SP6: variants seen among roughly 807,000 people sequenced by gnomAD.
SP6 encodes Sp6 transcription factor.
In SP6, 10 loss-of-function variants were observed where a neutral mutation model predicts 23.4. That is an observed-to-expected ratio of 0.43 (90% CI 0.26 to 0.72). The LOEUF (loss-of-function observed/expected upper bound fraction) is 0.72, where lower values mean the gene tolerates loss of function less well. Among genes scored for constraint, SP6 ranks in the 30% least tolerant of loss-of-function variants. The pLI is 0.23. For synonymous variants in SP6, 238 were observed against 238.7 expected (o/e 1.00, Z 0.03); for missense variants, 482 against 523.8 (o/e 0.92, Z 0.78).
At chr17:47,864,753 T>A in the SP6 span, 1 of 152,316 alleles carries the variant, frequency 6.6e-6, no homozygotes, top group African/African-American at 2.4e-5. Context: ...GCACCGAAGG[T>A]GCCAGTGGTC....
chr17:47,857,811 C>T (rs1299761360), upstream of SP6, among the ~76,000 whole-genome samples: 1 of 152,076 alleles, frequency 6.6e-6, no homozygotes, highest in Non-Finnish European at 1.5e-5. Context: ...CCTTTGGAGC[C>T]AGAAGAGGGG....
chr17:47,875,508 C>T, the SP6 span, among the ~76,000 whole-genome samples: 354 of 152,320 alleles, frequency 2.3e-3, 1 homozygote, highest in South Asian at 0.01. Flanking sequence ...AGACTCCCTG[C>T]CCTGAGAACC....
the SP6 span, among the ~76,000 whole-genome samples, chr17:47,875,962 C>T: frequency 6.6e-6 from 1 of 152,204 alleles, no homozygotes; most frequent in Admixed American, 6.5e-5. Context: ...CAGGTGGTTC[C>T]TGTGGACTCT....
upstream of SP6, among the ~76,000 whole-genome samples, chr17:47,858,407 A>G (rs763584222): frequency 6.6e-6 from 1 of 152,046 alleles, no homozygotes; most frequent in Non-Finnish European, 1.5e-5. Flanking sequence ...TTTTCTCAAT[A>G]TACCTGCTCC....
chr17:47,875,233 C>T, the SP6 span, among the ~76,000 whole-genome samples: 100 of 152,206 alleles, frequency 6.6e-4, no homozygotes, highest in Non-Finnish European at 4.9e-4. Flanking sequence ...TCCCAGGCTC[C>T]CTGCTTCCCC....
chr17:47,856,935 G>A (rs1190652326), upstream of SP6, among the ~76,000 whole-genome samples: 2 of 151,912 alleles, frequency 1.3e-5, no homozygotes, highest in Admixed American at 6.6e-5. Flanking sequence ...GCAACCTCTA[G>A]ACTGGGGATT....
chr17:47,848,411 C>G lies in SP6; in HGVS notation c.19G>C (p.Gly7Arg), dbSNP rs529123525. 8.5e-6 allele frequency: 13 copies of G among 1,524,770 alleles called. No individual in the cohort carries two copies. In the East Asian group the frequency reaches 2.4e-4, roughly 28 times the overall value. The allele number at this position is 1,524,770 out of a possible 1,614,324, so 94.5% of individuals were successfully genotyped here. A position where few individuals can be genotyped will look rare whatever the true frequency, so the allele number is the denominator to read the frequency against. The stretch of plus-strand genomic sequence containing the variant: ...TCCGTGTGCTGGCTGCCCAGAGAGC[C>G]GCAGACAGCGGTTAGCATTGCCGGG... MLTAVC[G>R]SLGSQHTEAP... is the part of the protein sequence containing the mutation. The change falls in exon 2 of 2, where the codon GGC (glycine) becomes CGC (arginine). Residue 7 changes from glycine (G) to arginine (R), a missense_variant. By Grantham distance (125) the Gly-to-Arg change is moderately radical (BLOSUM62 -2). Coordinates refer to ENST00000536300, the MANE Select transcript of SP6 (RefSeq NM_001258248.2). The surrounding 1 kb of genome is among the most constrained non-coding windows in gnomAD (Gnocchi z 5.3).
At chr17:47,869,024 G>T in the SP6 span, among the ~76,000 whole-genome samples, 2 of 152,236 alleles carry the variant, frequency 1.3e-5, no homozygotes, top group Admixed American at 6.5e-5. Context: ...GAGGCGGGGA[G>T]GCAGACCCCA....
the SP6 span, among the ~76,000 whole-genome samples, chr17:47,871,621 C>CTT: frequency 5.6e-5 from 8 of 142,522 alleles, no homozygotes; most frequent in African/African-American, 2.1e-4. Flanking sequence ...CTGTTTCTTT[C>CTT]TTTTTTTTTT....
At chr17:47,871,041 T>A in the SP6 span, among the ~76,000 whole-genome samples, 1 of 152,186 alleles carries the variant, frequency 6.6e-6, no homozygotes, top group African/African-American at 2.4e-5. Context: ...TTCATAACCC[T>A]CGATCGAGTA....
chr17:47,871,501 T>C, the SP6 span, among the ~76,000 whole-genome samples: 3 of 152,218 alleles, frequency 2.0e-5, no homozygotes, highest in African/African-American at 7.2e-5. Context: ...TCTTCTTTCG[T>C]CTCCACTTAA....
Position 47,848,048 on chromosome 17 carries a change from T to C in SP6, c.382A>G (p.Ser128Gly), listed in dbSNP as rs1029591973. 32 of 1,612,654 alleles carry C rather than the reference T, an allele frequency of 2.0e-5. No individual in the cohort carries two copies. In the Admixed American group the frequency reaches 3.0e-4, roughly 15 times the overall value. Residue 128 changes from serine (S) to glycine (G), a missense_variant, in exon 2 of 2, where the codon AGC (serine) becomes GGC (glycine). Ser to Gly is a moderately conservative substitution (Grantham distance 56, BLOSUM62 0). Coordinates refer to ENST00000536300, the MANE Select transcript of SP6 (RefSeq NM_001258248.2). This position sits in a 1 kb window ranked among gnomAD's most constrained non-coding sequence, Gnocchi z 5.3. ...GSWWDLHPGT[S>G]WMDLPHTQGA... ...TGAGTGTGGGGGAGGTCCATCCAGC[T>C]GGTGCCCGGATGAAGGTCCCACCAC...
Position 47,847,990 on chromosome 17 carries a change from G to A in SP6, c.440C>T (p.Ala147Val). 1 of 1,596,020 alleles carries A rather than the reference G, an allele frequency of 6.3e-7. No individual in the cohort carries two copies. The highest frequency in any genetic ancestry group is 8.5e-7 in the Non-Finnish European group (1 of 1,171,288). The stretch of plus-strand genomic sequence containing the variant: ...GTAGCCCCCCAAGCCCGCCTGAAGC[G>A]CCCCCGGGTGGCCAGGTGAGGTCAG... ...GALTSPGHPG[A>V]LQAGLGGYVG... The change falls in exon 2 of 2, where the codon GCG becomes GTG. Residue 147 changes from alanine to valine, a missense_variant. Transcript: ENST00000536300.
the SP6 span, among the ~76,000 whole-genome samples, chr17:47,869,899 A>G: frequency 6.6e-6 from 1 of 152,268 alleles, no homozygotes; most frequent in Admixed American, 6.5e-5. Flanking sequence ...ATAGTTCAAT[A>G]AACATTTACA....
the SP6 span, among the ~76,000 whole-genome samples, chr17:47,867,639 C>T: frequency 1.5e-3 from 223 of 152,070 alleles, 1 homozygote; most frequent in Admixed American, 4.9e-3. Flanking sequence ...CATGGACCCA[C>T]TCAGCTTCCT....
chr17:47,847,647 G>A lies in SP6; in HGVS notation c.783C>T (p.Cys261=). The change falls in exon 2 of 2, where the codon TGC becomes TGT. Residue 261 remains cysteine, a synonymous_variant. Coordinates refer to ENST00000536300, the MANE Select transcript of SP6 (RefSeq NM_001258248.2). ...GCGACGTCTTGGCGTAGGCTTTCCC[G>A]CAGCCCGGGATGTGGCAGTTGTGCA... ...KHLHNCHIPG[C]GKAYAKTSHL... is the part of the protein sequence containing the mutation. 1 of 1,613,010 alleles carries A rather than the reference G, an allele frequency of 6.2e-7. No individual in the cohort carries two copies. The highest frequency in any genetic ancestry group is 8.5e-7 in the Non-Finnish European group (1 of 1,179,746).
At chr17:47,873,805 TTC>T in the SP6 span, among the ~76,000 whole-genome samples, 1 of 149,584 alleles carries the variant, frequency 6.7e-6, no homozygotes, top group African/African-American at 2.5e-5. Flanking sequence ...TTTTCTTCTC[TTC>T]TCTCTCTCCC....
rs1419949524 is a variant in SP6 at position 47,846,752 on chromosome 17, C to A, written c.*547G>T. On this transcript the variant is annotated 3_prime_UTR_variant, in exon 2 of 2. Transcript: ENST00000536300. ...TCCAAACCAGAAAGAGACACCCCTG[C>A]CAAGGGGGACCCCCAGGCTCCCCCA... 1 of 152,582 alleles carries A rather than the reference C, an allele frequency of 6.6e-6. No individual in the cohort carries two copies. The highest frequency in any genetic ancestry group is 2.4e-5 in the African/African-American group (1 of 41,492). 9.5% of individuals were successfully genotyped at this position (152,582 alleles called of 1,614,324 possible).
chr17:47,860,719 A>AAAATAAAT (rs71141936), upstream of SP6, among the ~76,000 whole-genome samples: 5,361 of 148,804 alleles, frequency 0.036, 301 homozygotes, highest in African/African-American at 0.12. Context: ...AAAAAAAGTT[A>AAAATAAAT]AAATAAATAA....
Sources: allele counts gnomAD v4.1 joint callset (sites outside exome capture counted in the v4.1 genomes callset), GRCh38; gene constraint gnomAD v4.1.1; non-coding constraint Gnocchi (gnomAD v3.1); transcripts MANE v1.5; gene names NCBI Gene and HGNC (gene_info 2026-07-23, HGNC 2026-07-21).